DLGAP1: variants seen among roughly 807,000 people sequenced by gnomAD.
The protein encoded by DLGAP1 is disks large-associated protein 1.
DLGAP1 carries 11 observed loss-of-function variants against 90.8 expected under a neutral mutation model. The observed-to-expected ratio is 0.12, with a 90% CI of 0.08 to 0.20. DLGAP1 has a LOEUF of 0.20. DLGAP1 is among the 10% of genes least tolerant of loss of function. The pLI is 1.00. For missense variants in DLGAP1, 1,050 were observed against 1,333.8 expected, an observed-to-expected ratio of 0.79 and a Z score of 3.31; for synonymous variants, 558 against 540.7, an observed-to-expected ratio of 1.03 and a Z score of -0.44.
chr18:3,688,480 A>C (rs1418130543), intron 7 of DLGAP1, among the ~76,000 whole-genome samples: 3 of 152,150 alleles, frequency 2.0e-5, no homozygotes, highest in Non-Finnish European at 4.4e-5. Context: ...TATTAAAAAA[A>C]AACAAAAGAA....
intron 7 of DLGAP1, among the ~76,000 whole-genome samples, chr18:3,650,449 C>G (rs539431742): frequency 6.6e-6 from 1 of 152,068 alleles, no homozygotes; most frequent in South Asian, 2.1e-4. Context: ...CATAGAGAGA[C>G]CCTGTCTCTA....
intron 10 of DLGAP1, among the ~76,000 whole-genome samples, chr18:3,528,697 T>C (rs1303049769): frequency 2.0e-5 from 3 of 152,228 alleles, no homozygotes; most frequent in East Asian, 1.9e-4. Context: ...TTTTCCCTTC[T>C]TCCTGGAGAG....
intron 1 of DLGAP1, among the ~76,000 whole-genome samples, chr18:4,312,014 C>G (rs1455449764): frequency 6.6e-6 from 1 of 152,172 alleles, no homozygotes; most frequent in Non-Finnish European, 1.5e-5. Context: ...CCATGCCTGG[C>G]TAATTTTTGT....
chr18:3,582,782 G>A (rs1405689060), intron 7 of DLGAP1, among the ~76,000 whole-genome samples: 2 of 152,022 alleles, frequency 1.3e-5, no homozygotes, highest in African/African-American at 4.8e-5. Context: ...GGGTACACAC[G>A]CCATGGTAGC....
At chr18:3,522,056 G>A (rs529478209) in intron 10 of DLGAP1, among the ~76,000 whole-genome samples, 1 of 145,826 alleles carries the variant, frequency 6.9e-6, no homozygotes, top group Non-Finnish European at 1.5e-5. Flanking sequence ...GTTGAGTTGT[G>A]TTTGTGGATG....
chr18:4,115,732 G>A (rs765306776), intron 2 of DLGAP1, among the ~76,000 whole-genome samples: 4 of 152,106 alleles, frequency 2.6e-5, no homozygotes, highest in African/African-American at 7.2e-5. Context: ...CCAAAGTGCT[G>A]GGATTACAGG....
intron 5 of DLGAP1, among the ~76,000 whole-genome samples, chr18:3,776,567 C>T (rs939325666): frequency 2.0e-4 from 30 of 152,188 alleles, no homozygotes; most frequent in African/African-American, 7.2e-4. Flanking sequence ...GGGGCTGTGC[C>T]GACTCTCCGT....
At position 4,342,509 on chromosome 18, in the gene DLGAP1, T is replaced by C. The variant is rs903556127; in HGVS notation, c.-267+112497A>G. On this transcript the variant is annotated intron_variant, in intron 1 of 12. Coordinates refer to ENST00000315677, the MANE Select transcript of DLGAP1 (RefSeq NM_004746.4). The surrounding 1 kb of genome is among the most constrained non-coding windows in gnomAD (Gnocchi z 5.8). The stretch of plus-strand genomic sequence containing the variant: ...GATCAAATGGCCTAATGTTACCTCA[T>C]TGCCCACTTTGAAAGACCATATGGT... Among the ~76,000 whole-genome samples the C allele has an allele frequency of 6.6e-6, 1 of 152,172 alleles. No individual in the cohort carries two copies. Among genetic ancestry groups the C allele is most frequent in the East Asian group, 1.9e-4 (1 of 5,190 alleles).
chr18:3,994,266 C>A (rs924557351), intron 3 of DLGAP1, among the ~76,000 whole-genome samples: 6 of 152,198 alleles, frequency 3.9e-5, no homozygotes, highest in Non-Finnish European at 7.3e-5. Flanking sequence ...TGCCCCTCTG[C>A]GATGGCAGCC....
chr18:3,556,933 T>G (rs2053784543), intron 9 of DLGAP1, among the ~76,000 whole-genome samples: 1 of 152,332 alleles, frequency 6.6e-6, no homozygotes, highest in Admixed American at 6.5e-5. Context: ...TTGTGTCTTC[T>G]CTCTTAGTTA....
chr18:3,593,801 G>T (rs1211835465), intron 7 of DLGAP1: 1 of 152,106 alleles, frequency 6.6e-6, no homozygotes, highest in Non-Finnish European at 1.5e-5. Context: ...CACTGGCTGC[G>T]CTGCTAATCA....
intron 1 of DLGAP1, among the ~76,000 whole-genome samples, chr18:4,205,842 T>C (rs997130494): frequency 2.0e-5 from 3 of 152,156 alleles, no homozygotes; most frequent in Non-Finnish European, 4.4e-5. Flanking sequence ...ATACAATCGC[T>C]AATTGTAAAG....
intron 7 of DLGAP1, among the ~76,000 whole-genome samples, chr18:3,704,248 G>A (rs1018542614): frequency 6.6e-6 from 1 of 152,094 alleles, no homozygotes; most frequent in African/African-American, 2.4e-5. Context: ...GGTGTTGCAG[G>A]GAGAGGTGGC....
chr18:4,204,877 ATTT>A lies in DLGAP1; in HGVS notation c.-266-53593_-266-53591del, dbSNP rs66487258. On this transcript the variant is annotated intron_variant, in intron 1 of 12. Transcript: ENST00000315677. ...GGTAACTGAGGTGAGCCTTTTCCCA[ATTT>A]TTTTTTTTTTTTGTGGTTTGTTTTC... Among the ~76,000 whole-genome samples, 712 of 147,064 alleles carry A rather than the reference ATTT, an allele frequency of 4.8e-3. 5 individuals are homozygous for A. Among genetic ancestry groups the A allele is most frequent in the Middle Eastern group, 0.017 (5 of 286 alleles).
At chr18:3,534,026 C>T (rs1259123367) in intron 10 of DLGAP1, among the ~76,000 whole-genome samples, 168 bp downstream of exon 10, 2 of 152,110 alleles carry the variant, frequency 1.3e-5, no homozygotes, top group East Asian at 3.9e-4. Context: ...TGTGCAGGGA[C>T]TTCTGGACTC....
chr18:3,716,970 A>G (rs931284058), intron 7 of DLGAP1, among the ~76,000 whole-genome samples: 13 of 151,682 alleles, frequency 8.6e-5, no homozygotes, highest in African/African-American at 3.1e-4. Flanking sequence ...CTCTATAAAA[A>G]TTTAAAAATT....
chr18:3,729,080 C>T lies in DLGAP1; in HGVS notation c.1591+55G>A. ...ACAGCAAGGGCACAGTCTTTGGGGA[C>T]AGTCGTGCCATAGCCAGCACAGGGG... On this transcript the variant is annotated intron_variant, in intron 7 of 12. Coordinates refer to ENST00000315677, the MANE Select transcript of DLGAP1 (RefSeq NM_004746.4). The surrounding 1 kb of genome is among the most constrained non-coding windows in gnomAD (Gnocchi z 6.2). 1 of 1,547,746 alleles carries T rather than the reference C, an allele frequency of 6.5e-7. No individual in the cohort carries two copies. Among genetic ancestry groups the T allele is most frequent in the Non-Finnish European group, 8.7e-7 (1 of 1,147,110 alleles).
intron 1 of DLGAP1, among the ~76,000 whole-genome samples, chr18:4,306,546 G>C (rs1345112406): frequency 6.6e-6 from 1 of 151,944 alleles, no homozygotes; most frequent in African/African-American, 2.4e-5. Context: ...TGGAGGAGGA[G>C]AGGAAAACAG....
intron 1 of DLGAP1, among the ~76,000 whole-genome samples, chr18:4,357,157 CTT>C (rs554248097): frequency 0.1 from 10,990 of 108,174 alleles, 265 homozygotes; most frequent in African/African-American, 0.14. Flanking sequence ...TGTTTTTTTC[CTT>C]TTTTTTTTTT....
Sources: gnomAD v4.1 joint callset for allele counts (sites outside exome capture counted in the v4.1 genomes callset) on GRCh38, gnomAD v4.1.1 for gene constraint, Gnocchi (gnomAD v3.1) non-coding constraint, MANE v1.5 for transcripts, NCBI Gene and HGNC (gene_info 2026-07-23, HGNC 2026-07-21) for gene names.